GABRG3: variants seen among roughly 807,000 people sequenced by gnomAD.
The protein encoded by GABRG3 is gamma-aminobutyric acid type A receptor subunit gamma3, also known as gamma-aminobutyric acid receptor subunit gamma-3.
A neutral mutation model predicts 48.8 loss-of-function variants in GABRG3; 25 were observed. The observed-to-expected ratio is 0.51, with a 90% CI of 0.37 to 0.72. The LOEUF (loss-of-function observed/expected upper bound fraction) is 0.72. Among genes scored for constraint, GABRG3 ranks in the 30% least tolerant of loss-of-function variants. The pLI is 0.00. For synonymous variants in GABRG3, 227 were observed against 217.6 expected (o/e 1.04, Z -0.38); for missense variants, 394 against 577.9 (o/e 0.68, Z 3.26).
chr15:27,499,737 G>A (rs1029329704), intron 6 of GABRG3, among the ~76,000 whole-genome samples: 3 of 152,208 alleles, frequency 2.0e-5, no homozygotes, highest in Non-Finnish European at 4.4e-5. Context: ...AAGCTAACAC[G>A]TGCTGGTACT....
intron 5 of GABRG3, among the ~76,000 whole-genome samples, chr15:27,382,384 G>T (rs1475046351): frequency 6.6e-6 from 1 of 152,100 alleles, no homozygotes; most frequent in African/African-American, 2.4e-5. Flanking sequence ...TTGAAATAGG[G>T]CAGTGACAGC....
intron 5 of GABRG3, among the ~76,000 whole-genome samples, chr15:27,357,895 C>T (rs1052683177): frequency 3.3e-5 from 5 of 152,134 alleles, no homozygotes; most frequent in East Asian, 3.8e-4. Context: ...TGTTACCTTC[C>T]CAAACATTGG....
At position 27,480,763 on chromosome 15, in the gene GABRG3, A is replaced by G; in HGVS notation, c.688A>G (p.Thr230Ala). 1 of 1,613,868 alleles carries G rather than the reference A, an allele frequency of 6.2e-7. No individual in the cohort carries two copies. The highest frequency in any genetic ancestry group is 8.5e-7 in the Non-Finnish European group (1 of 1,179,836). ...TGACTTCATGGGCCTCAGAAACACC[A>G]CAGAAATCGTGACAACGTCTGCAGG... Reference protein sequence around the residue: ...QFDFMGLRNTTEIVTTSAGDY... With the variant: ...QFDFMGLRNTAEIVTTSAGDY... The change falls in exon 6 of 10, where the codon ACA (threonine) becomes GCA (alanine). Residue 230 changes from threonine to alanine, a missense_variant. Thr to Ala is a moderately conservative substitution (Grantham distance 58). Around this residue, in one of 3 missense-constraint regions of GABRG3, gnomAD observed 218 missense variants for 309.9 expected, o/e 0.70. Coordinates refer to ENST00000615808, the MANE Select transcript of GABRG3 (RefSeq NM_033223.5).
chr15:27,375,450 C>T (rs572463237), intron 5 of GABRG3, among the ~76,000 whole-genome samples: 35 of 152,128 alleles, frequency 2.3e-4, no homozygotes, highest in Admixed American at 7.9e-4. Context: ...AAGCATCAGA[C>T]GGAGAGTTGC....
At chr15:27,382,730 T>C (rs1895812159) in intron 5 of GABRG3, among the ~76,000 whole-genome samples, 1 of 152,156 alleles carries the variant, frequency 6.6e-6, no homozygotes, top group African/African-American at 2.4e-5. Context: ...ACGTTAAGCA[T>C]ATAGTGGATG....
chr15:27,320,720 GA>G (rs1897352013), intron 3 of GABRG3, among the ~76,000 whole-genome samples: 1 of 152,106 alleles, frequency 6.6e-6, no homozygotes, highest in Non-Finnish European at 1.5e-5. Flanking sequence ...AATGATGAAG[GA>G]GGGCCAGTGG....
chr15:27,514,900 GAGA>G (rs746241756), intron 6 of GABRG3, among the ~76,000 whole-genome samples: 2 of 152,300 alleles, frequency 1.3e-5, no homozygotes, highest in Non-Finnish European at 1.5e-5. Context: ...ACTTGAATTG[GAGA>G]AGAAGTAATT....
At position 27,091,274 on chromosome 15, in the gene GABRG3, T is replaced by C. The variant is rs1897180205; in HGVS notation, c.270+64453T>C. Among the ~76,000 whole-genome samples the C allele has an allele frequency of 2.0e-5, 3 of 152,260 alleles. No individual in the cohort carries two copies. In the South Asian group the frequency reaches 6.2e-4, roughly 32 times the overall value. ...TTCTCTTCATTCTGTTAATGTGATG[T>C]ATTGCATTAACTTTTTGTATACTGA... On this transcript the variant is annotated intron_variant, in intron 3 of 9. Coordinates refer to ENST00000615808, the MANE Select transcript of GABRG3 (RefSeq NM_033223.5).
At chr15:27,476,863 C>T (rs1889955404) in intron 5 of GABRG3, among the ~76,000 whole-genome samples, 1 of 152,114 alleles carries the variant, frequency 6.6e-6, no homozygotes, top group African/African-American at 2.4e-5. Flanking sequence ...GACATCTGTA[C>T]ACATTATAGT....
At chr15:27,448,143 T>C (rs1325278547) in intron 5 of GABRG3, among the ~76,000 whole-genome samples, 1 of 152,058 alleles carries the variant, frequency 6.6e-6, no homozygotes, top group Non-Finnish European at 1.5e-5. Context: ...AAAGGACAAA[T>C]GGGTGACAAC....
At chr15:26,971,761 C>T (rs1894850391) in intron 1 of GABRG3, among the ~76,000 whole-genome samples, 173 bp downstream of exon 1, 1 of 152,174 alleles carries the variant, frequency 6.6e-6, no homozygotes, top group Non-Finnish European at 1.5e-5. Flanking sequence ...CTCCCTTGGA[C>T]ACGGTCATCT....
chr15:27,059,342 C>A (rs571868954), intron 3 of GABRG3, among the ~76,000 whole-genome samples: 11 of 152,346 alleles, frequency 7.2e-5, no homozygotes, highest in African/African-American at 2.6e-4. Flanking sequence ...ATGCTCCCAC[C>A]TGCAGCCCTT....
intron 3 of GABRG3, among the ~76,000 whole-genome samples, chr15:27,291,203 C>T (rs1322134032): frequency 6.6e-6 from 1 of 152,194 alleles, no homozygotes; most frequent in East Asian, 1.9e-4. Flanking sequence ...CCAAGATGTT[C>T]AGCAACATTT....
chr15:27,428,829 G>A (rs957411729), intron 5 of GABRG3, among the ~76,000 whole-genome samples: 1 of 151,840 alleles, frequency 6.6e-6, no homozygotes, highest in East Asian at 1.9e-4. Flanking sequence ...CTGGAGCTGA[G>A]GGAAAAAAAA....
chr15:27,116,688 G>T (rs1897646992), intron 3 of GABRG3, among the ~76,000 whole-genome samples: 1 of 152,140 alleles, frequency 6.6e-6, no homozygotes, highest in Non-Finnish European at 1.5e-5. Flanking sequence ...TTAAGAGGGG[G>T]GCCTTAAGGA....
At chr15:27,027,292 G>T (rs141409612) in intron 3 of GABRG3, among the ~76,000 whole-genome samples, 1 of 152,324 alleles carries the variant, frequency 6.6e-6, no homozygotes, top group African/African-American at 2.4e-5. Flanking sequence ...GAGTGTGGGG[G>T]TATTGAAATA....
chr15:27,232,930 C>T (rs1889844747), intron 3 of GABRG3, among the ~76,000 whole-genome samples: 3 of 152,200 alleles, frequency 2.0e-5, no homozygotes, highest in African/African-American at 4.8e-5. Context: ...CTCATTCCCT[C>T]GGAGGCTGTG....
chr15:27,486,791 T>C (rs961077828), intron 6 of GABRG3, among the ~76,000 whole-genome samples: 1 of 152,192 alleles, frequency 6.6e-6, no homozygotes, highest in Non-Finnish European at 1.5e-5. Flanking sequence ...AAATATTGCC[T>C]ATTATTATTG....
In GABRG3 at chr15:27,309,356, A is replaced by G. The variant is rs1892919015; in HGVS notation, c.271-17453A>G. 2.0e-5 allele frequency among the ~76,000 whole-genome samples: 3 copies of G among 151,868 alleles called. No individual in the cohort carries two copies. The Admixed American group carries it at 2.0e-4, about 10-fold the overall frequency. Reference sequence around the variant, plus strand: ...TATATTTACCAATTTAAACCTTAGCAGAATTTTTGTAGATATGGGTAAGGT... The same window carrying G: ...TATATTTACCAATTTAAACCTTAGCGGAATTTTTGTAGATATGGGTAAGGT... On this transcript the variant is annotated intron_variant, in intron 3 of 9. Transcript: ENST00000615808.
Sources: gnomAD v4.1 joint callset for allele counts (sites outside exome capture counted in the v4.1 genomes callset) on GRCh38, gnomAD v4.1.1 for gene constraint, gnomAD v4.1.1 regional missense constraint, MANE v1.5 for transcripts, NCBI Gene and HGNC (gene_info 2026-07-23, HGNC 2026-07-21) for gene names.